Variants in CYFIP1 observed in about 807,000 individuals in gnomAD.
CYFIP1 encodes the protein cytoplasmic FMR1 interacting protein 1, also known as cytoplasmic FMR1-interacting protein 1.
In CYFIP1, 58 loss-of-function variants were observed where a neutral mutation model predicts 163.5. The ratio of observed to expected loss-of-function variants is 0.35; its 90% confidence interval spans 0.29 to 0.44. CYFIP1 has a LOEUF of 0.44. CYFIP1 is among the 20% of genes least tolerant of loss of function. The pLI is 1.00. For missense variants in CYFIP1, 1,338 were observed against 1,653.8 expected, an observed-to-expected ratio of 0.81 and a Z score of 3.31; for synonymous variants, 663 against 660.7, an observed-to-expected ratio of 1.00 and a Z score of -0.05.
chr15:22,956,837 C>T (rs28510215), intron 1 of CYFIP1, among the ~76,000 whole-genome samples: 27,715 of 152,246 alleles, frequency 0.18, 3,061 homozygotes, highest in East Asian at 0.51. Context: ...CGTGCACTGC[C>T]CGCTCCAGCC....
At chr15:22,922,588 A>T (rs2061220672) in intron 13 of CYFIP1, among the ~76,000 whole-genome samples, 1 of 152,176 alleles carries the variant, frequency 6.6e-6, no homozygotes, top group South Asian at 2.1e-4. Flanking sequence ...AGGGGGATGG[A>T]GGGTGGTCTG....
chr15:22,975,453 A>G (rs1387254602), intron 1 of CYFIP1, among the ~76,000 whole-genome samples: 1 of 150,934 alleles, frequency 6.6e-6, no homozygotes, highest in African/African-American at 2.4e-5. Flanking sequence ...AAAAAAAAAA[A>G]AAAAAAAAAA....
chr15:22,893,404 T>A (rs2060136129), intron 22 of CYFIP1, among the ~76,000 whole-genome samples: 3 of 152,196 alleles, frequency 2.0e-5, no homozygotes, highest in African/African-American at 7.2e-5. Context: ...ACCCACTCAA[T>A]TAGTCAAGAG....
intron 1 of CYFIP1, among the ~76,000 whole-genome samples, chr15:22,965,128 C>T (rs984483456): frequency 6.6e-6 from 1 of 151,672 alleles, no homozygotes; most frequent in African/African-American, 2.4e-5. Flanking sequence ...CTAGATTTTA[C>T]GTAAAAATAC....
intron 25 of CYFIP1, among the ~76,000 whole-genome samples, chr15:22,881,238 C>G (rs1199255392): frequency 6.6e-6 from 1 of 152,224 alleles, no homozygotes; most frequent in Non-Finnish European, 1.5e-5. Flanking sequence ...CTTTACAACA[C>G]AAGGCTAGTG....
intron 25 of CYFIP1, 22 bp from the exon 26 acceptor site, chr15:22,880,065 G>C: frequency 6.2e-7 from 1 of 1,613,032 alleles, no homozygotes; most frequent in Non-Finnish European, 8.5e-7. Context: ...GGAGTGAGGT[G>C]GGGTTGGGGG....
chr15:22,919,111 A>G, intron 13 of CYFIP1, among the ~76,000 whole-genome samples: 1 of 152,280 alleles, frequency 6.6e-6, no homozygotes, highest in East Asian at 1.9e-4. Flanking sequence ...ACACACATGC[A>G]TCCACCCCAG....
At chr15:22,948,255 A>T (rs1013227709) in intron 1 of CYFIP1, among the ~76,000 whole-genome samples, 4 of 152,146 alleles carry the variant, frequency 2.6e-5, no homozygotes, top group East Asian at 3.8e-4. Flanking sequence ...AAAATTGCTC[A>T]TGAGCTTCAA....
chr15:22,924,915 T>C (rs549750358), intron 13 of CYFIP1, among the ~76,000 whole-genome samples: 11 of 152,120 alleles, frequency 7.2e-5, no homozygotes, highest in African/African-American at 2.2e-4. Context: ...CTACCAAAAA[T>C]ATAAAAATTA....
chr15:22,966,639 C>T (rs1377050243), intron 1 of CYFIP1, among the ~76,000 whole-genome samples: 2 of 151,924 alleles, frequency 1.3e-5, no homozygotes, highest in Admixed American at 6.6e-5. Flanking sequence ...TTGTTCCTGC[C>T]GGGGATGAAG....
chr15:22,923,480 G>C (rs1354266021), intron 13 of CYFIP1, among the ~76,000 whole-genome samples: 4 of 152,248 alleles, frequency 2.6e-5, no homozygotes, highest in East Asian at 1.9e-4. Context: ...GTTTGGTGTG[G>C]ATGTGGGGAA....
At position 22,867,075 on chromosome 15, in the gene CYFIP1, T is replaced by TAGA. The variant is rs897670658; in HGVS notation, c.*2950_*2952dup. 7.3e-5 allele frequency: 37 copies of TAGA among 507,088 alleles called. No individual in the cohort carries two copies. The highest frequency in any genetic ancestry group is 8.6e-5 in the Non-Finnish European group (25 of 291,814). The allele number at this position is 507,088 out of a possible 1,614,324, so 31.4% of individuals were successfully genotyped here. A position where few individuals can be genotyped will look rare whatever the true frequency, so the allele number is the denominator to read the frequency against. ...GATTTCTATTAACATTTTATTGTTGTAGAAGTATTTTACATTTTCATCCCT... is the reference window on the plus strand; with the variant it reads ...GATTTCTATTAACATTTTATTGTTGTAGAAGAAGTATTTTACATTTTCATCCCT... On this transcript the variant is annotated 3_prime_UTR_variant, in exon 31 of 31. Coordinates refer to ENST00000617928, the MANE Select transcript of CYFIP1 (RefSeq NM_014608.6).
chr15:22,880,287 A>G (rs921435892), intron 25 of CYFIP1, among the ~76,000 whole-genome samples: 11 of 152,186 alleles, frequency 7.2e-5, no homozygotes, highest in African/African-American at 1.2e-4. Flanking sequence ...ACTCAACCTC[A>G]TATCTTTAGG....
chr15:22,916,879 T>TA, intron 15 of CYFIP1: 1 of 1,551,912 alleles, frequency 6.4e-7, no homozygotes, highest in Non-Finnish European at 8.7e-7. Flanking sequence ...AATGATGTCT[T>TA]ACCACCAAAG....
At chr15:22,916,379 G>A in intron 16 of CYFIP1, 98 bp downstream of exon 16, 1 of 900,916 alleles carries the variant, frequency 1.1e-6, no homozygotes, top group Non-Finnish European at 1.7e-6. Context: ...TGCACCAAGG[G>A]ACGGGGTAGG....
intron 1 of CYFIP1, among the ~76,000 whole-genome samples, chr15:22,965,955 C>T (rs183446122): frequency 8.3e-4 from 126 of 152,256 alleles, no homozygotes; most frequent in African/African-American, 2.6e-3. Context: ...AAGCCTTAAC[C>T]CCCAGGACCT....
At position 22,917,847 on chromosome 15, in the gene CYFIP1, G is replaced by T; in HGVS notation, c.1615C>A (p.Pro539Thr). Residue 539 changes from proline to threonine, a missense_variant, in exon 15 of 31, where the codon CCC becomes ACC. Physicochemically the swap from Pro to Thr is conservative, Grantham distance 38. Coordinates refer to ENST00000617928, the MANE Select transcript of CYFIP1 (RefSeq NM_014608.6). This position sits in a 1 kb window ranked among gnomAD's most constrained non-coding sequence, Gnocchi z 4.2. Reference sequence around the variant, plus strand: ...ACTTTTATGTCGAAGCCGCTCTTGGGGTCCTTCTCGCCCCGCAAGGCTGGG... The same window carrying T: ...ACTTTTATGTCGAAGCCGCTCTTGGTGTCCTTCTCGCCCCGCAAGGCTGGG... ...NDPALRGEKD[P>T]KSGFDIKVPR... 2 of 1,613,890 alleles carry T rather than the reference G, an allele frequency of 1.2e-6. No homozygotes were observed. Among genetic ancestry groups the T allele is most frequent in the Non-Finnish European group, 1.7e-6 (2 of 1,179,954 alleles).
At chr15:22,955,903 G>C (rs1316774314) in intron 1 of CYFIP1, among the ~76,000 whole-genome samples, 1 of 117,738 alleles carries the variant, frequency 8.5e-6, no homozygotes, top group Non-Finnish European at 1.9e-5. Context: ...AAAGAACAGT[G>C]AATCAACAGA....
intron 5 of CYFIP1, 118 bp from the exon 6 acceptor site, chr15:22,943,472 G>A: frequency 1.8e-6 from 2 of 1,133,110 alleles, no homozygotes; most frequent in Non-Finnish European, 1.2e-6. Context: ...GCCCAGTGAG[G>A]CTCCAGGCCG....
Sources: allele counts gnomAD v4.1 joint callset (sites outside exome capture counted in the v4.1 genomes callset), GRCh38; gene constraint gnomAD v4.1.1; non-coding constraint Gnocchi (gnomAD v3.1); transcripts MANE v1.5; gene names NCBI Gene and HGNC (gene_info 2026-07-23, HGNC 2026-07-21).